The following DLC1 variants were observed in gnomAD, a reference collection of about 807,000 sequenced individuals.
DLC1 encodes the protein rho GTPase-activating protein 7.
In DLC1, 54 loss-of-function variants were observed where a neutral mutation model predicts 140.3. The ratio of observed to expected loss-of-function variants is 0.38; its 90% CI spans 0.31 to 0.48. DLC1 has a LOEUF of 0.48. DLC1 is among the 20% of genes least tolerant of loss of function. DLC1 has a pLI of 0.96. For synonymous variants in DLC1, 986 were observed against 728.1 expected, an observed-to-expected ratio of 1.35 and a Z score of -5.70; for missense variants, 2,536 against 1,907.0, an observed-to-expected ratio of 1.33 and a Z score of -6.14.
At chr8:13,496,337 A>G (rs1801498669) in intron 2 of DLC1, among the ~76,000 whole-genome samples, 2 of 152,176 alleles carry the variant, frequency 1.3e-5, no homozygotes, top group South Asian at 4.1e-4. Flanking sequence ...AAAATGCCTC[A>G]GCTTATATAC....
intron 5 of DLC1, among the ~76,000 whole-genome samples, chr8:13,210,729 T>G (rs896313982): frequency 6.6e-6 from 1 of 152,240 alleles, no homozygotes; most frequent in African/African-American, 2.4e-5. Flanking sequence ...TTTTCCACTT[T>G]CAGTGACTTG....
chr8:13,192,742 T>G (rs62494876), intron 5 of DLC1, among the ~76,000 whole-genome samples: 12,029 of 152,192 alleles, frequency 0.079, 619 homozygotes, highest in Non-Finnish European at 0.11. Flanking sequence ...CCTGATCCAA[T>G]AGGACTGGTC....
chr8:13,406,835 A>G (rs892137234), intron 2 of DLC1, among the ~76,000 whole-genome samples: 1 of 152,206 alleles, frequency 6.6e-6, no homozygotes, highest in African/African-American at 2.4e-5. Context: ...TGAACAGGCT[A>G]TTCTTAATGG....
intron 2 of DLC1, among the ~76,000 whole-genome samples, chr8:13,453,558 T>TATA (rs1563361094): frequency 7.8e-5 from 3 of 38,226 alleles, no homozygotes; most frequent in African/African-American, 4.1e-4. Context: ...ATATATATAT[T>TATA]TTTTTTTTTT....
chr8:13,198,222 T>C (rs756295849), intron 5 of DLC1, among the ~76,000 whole-genome samples: 1 of 152,284 alleles, frequency 6.6e-6, no homozygotes, highest in Non-Finnish European at 1.5e-5. Flanking sequence ...TTTTAAAATA[T>C]GTGATAAGGC....
At chr8:13,247,014 T>C (rs747368727) in intron 5 of DLC1, among the ~76,000 whole-genome samples, 20 of 152,146 alleles carry the variant, frequency 1.3e-4, no homozygotes, top group Non-Finnish European at 2.6e-4. Context: ...AGAAACAGAC[T>C]CCTCTGTTAA....
intron 5 of DLC1, among the ~76,000 whole-genome samples, chr8:13,140,790 A>G (rs142048576): frequency 1.3e-5 from 2 of 152,318 alleles, no homozygotes; most frequent in African/African-American, 4.8e-5. Context: ...GACCCCAGAA[A>G]GGCGAAGACA....
chr8:13,117,099 T>A (rs1289761062), intron 5 of DLC1, among the ~76,000 whole-genome samples: 1 of 152,224 alleles, frequency 6.6e-6, no homozygotes, highest in Non-Finnish European at 1.5e-5. Flanking sequence ...ATGTTTTAAA[T>A]AAAATTATAA....
chr8:13,090,112 T>C (rs1817916376), intron 15 of DLC1, 140 bp downstream of exon 15: 1 of 722,822 alleles, frequency 1.4e-6, no homozygotes, highest in Admixed American at 2.9e-5. Flanking sequence ...GGGATCTTAC[T>C]CACCCCGGTG....
intron 16 of DLC1, among the ~76,000 whole-genome samples, chr8:13,087,746 A>G (rs59822056): frequency 6.6e-5 from 10 of 152,218 alleles, no homozygotes; most frequent in Admixed American, 5.9e-4. Flanking sequence ...TGGACTTCCA[A>G]TGTGACATTT....
chr8:13,122,910 A>G (rs563139106), intron 5 of DLC1, among the ~76,000 whole-genome samples: 6 of 151,986 alleles, frequency 3.9e-5, no homozygotes, highest in Non-Finnish European at 7.4e-5. Flanking sequence ...TGTTAGGTAT[A>G]TTTTAGTACA....
Position 13,499,558 on chromosome 8 carries a change from A to G in DLC1, c.514T>C (p.Leu172=). The change falls in exon 2 of 18, where the codon TTA becomes CTA. Residue 172 remains leucine, a synonymous_variant. Coordinates refer to ENST00000276297, the MANE Select transcript of DLC1 (RefSeq NM_182643.3). ...NSWGIAGETE[L]ALVKESGERK... is the part of the protein sequence containing the mutation. ...TCCCCACTTTCTTTTACCAGTGCTA[A>G]TTCAGTTTCACCAGCTATTCCCCAG... 6.2e-7 allele frequency: 1 copy of G among 1,614,158 alleles called. No individual in the cohort carries two copies. Among genetic ancestry groups the G allele is most frequent in the Non-Finnish European group, 8.5e-7 (1 of 1,180,014 alleles).
intron 1 of DLC1, among the ~76,000 whole-genome samples, chr8:13,572,096 T>TTA (rs1401428555): frequency 0.014 from 131 of 9,270 alleles, no homozygotes; most frequent in Admixed American, 0.045. Flanking sequence ...TTATTATTTA[T>TTA]TTTTTTTTTT....
chr8:13,249,150 C>A (rs1829895995), intron 5 of DLC1, among the ~76,000 whole-genome samples: 1 of 152,176 alleles, frequency 6.6e-6, no homozygotes, highest in African/African-American at 2.4e-5. Context: ...GATCTTCGCT[C>A]ACTGCAACCT....
chr8:13,533,082 A>G (rs1354603816), intron 1 of DLC1, among the ~76,000 whole-genome samples: 1 of 152,238 alleles, frequency 6.6e-6, no homozygotes, highest in Non-Finnish European at 1.5e-5. Flanking sequence ...ATGTGTCATT[A>G]GTAATGCTTA....
At chr8:13,589,226 A>C (rs1805432529) in intron 1 of DLC1, among the ~76,000 whole-genome samples, 1 of 152,106 alleles carries the variant, frequency 6.6e-6, no homozygotes, top group Admixed American at 6.6e-5. Context: ...ATGCTTATGT[A>C]TGCTTTTTTA....
intron 2 of DLC1, among the ~76,000 whole-genome samples, chr8:13,422,906 G>A (rs535717812): frequency 6.6e-6 from 1 of 152,200 alleles, no homozygotes; most frequent in East Asian, 1.9e-4. Context: ...TCATAGAGAA[G>A]ACAATTACAT....
chr8:13,512,400 C>T (rs1048005857), intron 1 of DLC1, among the ~76,000 whole-genome samples: 3 of 152,068 alleles, frequency 2.0e-5, no homozygotes, highest in Non-Finnish European at 4.4e-5. Context: ...GATGAAATAG[C>T]CCACGCTCCC....
chr8:13,110,696 T>C (rs1183074992), intron 7 of DLC1, 46 bp downstream of exon 7: 2 of 1,555,170 alleles, frequency 1.3e-6, no homozygotes, highest in Admixed American at 3.4e-5. Context: ...AAGTACTGTG[T>C]TCTTAAAAAA....
Sources: gnomAD v4.1 joint callset for allele counts (sites outside exome capture counted in the v4.1 genomes callset) on GRCh38, gnomAD v4.1.1 for gene constraint, MANE v1.5 for transcripts, NCBI Gene and HGNC (gene_info 2026-07-23, HGNC 2026-07-21) for gene names.